The following FDX2 variants were observed in gnomAD, a reference collection of about 807,000 sequenced individuals.
FDX2 encodes ferredoxin-2, mitochondrial.
In FDX2, 13 loss-of-function variants were observed where a neutral mutation model predicts 18.5. The observed-to-expected ratio is 0.70, with a 90% confidence interval of 0.46 to 1.12. FDX2 has a LOEUF of 1.12. FDX2 is among the 50% of genes most tolerant of loss of function. The pLI is 0.00. For missense variants in FDX2, 238 were observed against 250.4 expected (o/e 0.95, Z 0.34); for synonymous variants, 132 against 106.2 (o/e 1.24, Z -1.49).
At position 10,315,954 on chromosome 19, in the gene FDX2, G is replaced by C. The variant is rs1047496497; in HGVS notation, c.52C>G (p.Leu18Val). 1.9e-6 allele frequency: 3 copies of C among 1,610,958 alleles called. No homozygotes were observed. The highest frequency in any genetic ancestry group is 8.5e-7 in the Non-Finnish European group (1 of 1,179,330). ...CAGGTGCCCCTGGCAGCCTGCAGTAGAACCCTGGCACTCACGCCTCCCCGG... is the reference window on the plus strand; with the variant it reads ...CAGGTGCCCCTGGCAGCCTGCAGTACAACCCTGGCACTCACGCCTCCCCGG... Residue 18 changes from leucine to valine, a missense_variant, in exon 1 of 5, where the codon CTA (leucine) becomes GTA (valine). By Grantham distance (32) the Leu-to-Val change is conservative. Coordinates refer to ENST00000393708, the MANE Select transcript of FDX2 (RefSeq NM_001031734.4).
In FDX2 at chr19:10,310,563, G is replaced by A; in HGVS notation, c.484C>T (p.Leu162=). The change falls in exon 5 of 5, where the codon CTG becomes TTG. Residue 162 remains leucine (L), a synonymous_variant. Coordinates refer to ENST00000393708, the MANE Select transcript of FDX2 (RefSeq NM_001031734.4). ...GGCAGGGTGAATTCCGCTCCTTCCA[G>A]CTCCGGTGTCAGCACAATCTGGCAG... The A allele has an allele frequency of 1.2e-6, 2 of 1,614,144 alleles. No homozygotes were observed. Among genetic ancestry groups the A allele is most frequent in the Non-Finnish European group, 1.7e-6 (2 of 1,180,024 alleles).
rs2040317496 is a variant in FDX2, at chr19:10,310,918, G to C, written c.339C>G (p.Ala113=). ...TCACATACACATGGCAGGTGGAGCA[G>C]GCCAGGGAGGCTTCACAGGCCCCTA... is the stretch of plus-strand genomic sequence containing the variant. Residue 113 remains alanine, a synonymous_variant, in exon 4 of 5, where the codon GCC becomes GCG. Coordinates refer to ENST00000393708, the MANE Select transcript of FDX2 (RefSeq NM_001031734.4). The C allele has an allele frequency of 1.9e-6, 3 of 1,613,028 alleles. No homozygotes were observed. The South Asian group carries it at 3.3e-5, about 18-fold the overall frequency.
rs765744386 is a variant in FDX2 at position 10,315,974 on chromosome 19, C to A, written c.32G>T (p.Gly11Val). 7 of 1,609,292 alleles carry A rather than the reference C, an allele frequency of 4.3e-6. No homozygotes were observed. The highest frequency in any genetic ancestry group is 1.7e-4 in the Middle Eastern group (1 of 6,040). The stretch of plus-strand genomic sequence containing the variant: ...CAGTAGAACCCTGGCACTCACGCCT[C>A]CCCGGGCCATGGAGGCGGCCATGAC... The change falls in exon 1 of 5, where the codon GGA (glycine) becomes GTA (valine). Residue 11 changes from glycine to valine, a missense_variant. Coordinates refer to ENST00000393708, the MANE Select transcript of FDX2 (RefSeq NM_001031734.4).
chr19:10,315,825 G>A (rs778252131), intron 1 of FDX2, 27 bp downstream of exon 1: 1 of 1,598,652 alleles, frequency 6.3e-7, no homozygotes, highest in African/African-American at 1.3e-5. Context: ...ACGGATTAAC[G>A]CTGCCCGCCC....
At position 10,315,969 on chromosome 19, in the gene FDX2, C is replaced by A. The variant is rs777077906; in HGVS notation, c.37G>T (p.Val13Leu). The stretch of plus-strand genomic sequence containing the variant: ...GCCTGCAGTAGAACCCTGGCACTCA[C>A]GCCTCCCCGGGCCATGGAGGCGGCC... Residue 13 changes from valine to leucine, a missense_variant, in exon 1 of 5, where the codon GTG becomes TTG. Coordinates refer to ENST00000393708, the MANE Select transcript of FDX2 (RefSeq NM_001031734.4). 1 of 1,609,952 alleles carries A rather than the reference C, an allele frequency of 6.2e-7. No homozygotes were observed. The highest frequency in any genetic ancestry group is 8.5e-7 in the Non-Finnish European group (1 of 1,178,990).
chr19:10,315,319 GT>G (rs56213243), intron 3 of FDX2, 66 bp downstream of exon 3: 9,323 of 597,890 alleles, frequency 0.016, no homozygotes, highest in East Asian at 0.064. Flanking sequence ...TAATTTGTGG[GT>G]TTTTTTTTTT....
rs2040376836 is a variant in FDX2 at position 10,315,753 on chromosome 19, C to A, written c.161G>T (p.Arg54Leu). ...GCCCGCGTCCTCCTCTCCAGCCGGG[C>A]GCGAGCCTGGAAAACACGGTTCGGT... The change falls in exon 2 of 5, where the codon CGC (arginine) becomes CTC (leucine). Residue 54 changes from arginine to leucine, a missense_variant. Arg to Leu is a moderately radical substitution (Grantham distance 102, BLOSUM62 -2). Transcript: ENST00000393708. The A allele has an allele frequency of 6.3e-7, 1 of 1,588,136 alleles. No homozygotes were observed. The highest frequency in any genetic ancestry group is 2.3e-5 in the East Asian group (1 of 43,110).
At chr19:10,310,786 G>T (rs2040315916) in intron 4 of FDX2, 67 bp downstream of exon 4, 1 of 1,548,694 alleles carries the variant, frequency 6.5e-7, no homozygotes, top group Non-Finnish European at 8.9e-7. Flanking sequence ...TGGAAGTGGG[G>T]AGGATGGTGG....
Position 10,315,697 on chromosome 19 carries a change from G to A in FDX2, c.209+8C>T, listed in dbSNP as rs769795704. On this transcript the variant is annotated splice_region_variant and intron_variant, in intron 2 of 4. Transcript: ENST00000393708. ...TGAGGAATGGGGGACTTGGCCCCCT[G>A]CACTCACACGTCCCCGGGCCGCTCC... is the stretch of plus-strand genomic sequence containing the variant. 1.3e-6 allele frequency: 2 copies of A among 1,548,666 alleles called. No homozygotes were observed. Among genetic ancestry groups the A allele is most frequent in the African/African-American group, 1.4e-5 (1 of 73,114 alleles).
At chr19:10,312,539 AT>A (rs996653014) in intron 3 of FDX2, among the ~76,000 whole-genome samples, 3 of 150,380 alleles carry the variant, frequency 2.0e-5, no homozygotes, top group African/African-American at 7.3e-5. Flanking sequence ...TTCCTTTGTA[AT>A]TTTTTTCTTA....
chr19:10,315,591 G>A (rs1199994289), intron 2 of FDX2, 99 bp from the exon 3 acceptor site: 6 of 1,518,580 alleles, frequency 4.0e-6, no homozygotes, highest in Admixed American at 3.9e-5. Flanking sequence ...TTGACGCACA[G>A]GTACTGAATA....
chr19:10,315,053 G>A (rs1410749629), intron 3 of FDX2, among the ~76,000 whole-genome samples: 3 of 151,936 alleles, frequency 2.0e-5, no homozygotes, highest in African/African-American at 7.3e-5. Context: ...GTGAGCTGAG[G>A]TGCAGTAAGC....
intron 3 of FDX2, among the ~76,000 whole-genome samples, chr19:10,311,401 GTTTTTT>G (rs71297586): frequency 7.1e-6 from 1 of 141,834 alleles, no homozygotes; most frequent in Non-Finnish European, 1.5e-5. Flanking sequence ...TTAGGATTTT[GTTTTTT>G]TTTTTTTTGA....
chr19:10,315,633 G>A, intron 2 of FDX2, 72 bp downstream of exon 2: 5 of 1,527,832 alleles, frequency 3.3e-6, no homozygotes, highest in Non-Finnish European at 4.4e-6. Context: ...TCGAGATGAA[G>A]CTACAGGGCA....
Position 10,315,727 on chromosome 19 carries a change from C to G in FDX2, c.187G>C (p.Gly63Arg). 6.4e-7 allele frequency: 1 copy of G among 1,558,126 alleles called. No homozygotes were observed. The highest frequency in any genetic ancestry group is 1.2e-5 in the South Asian group (1 of 85,082). The change falls in exon 2 of 5, where the codon GGC (glycine) becomes CGC (arginine). Residue 63 changes from glycine (G) to arginine (R), a missense_variant. Gly to Arg is a moderately radical substitution (Grantham distance 125). Transcript: ENST00000393708. ...CACACGTCCCCGGGCCGCTCCGGGC[C>G]GCCCGCGTCCTCCTCTCCAGCCGGG...
At chr19:10,313,724 G>T (rs1457495371) in intron 3 of FDX2, among the ~76,000 whole-genome samples, 1 of 108,886 alleles carries the variant, frequency 9.2e-6, no homozygotes, top group Admixed American at 1.3e-4. Context: ...TCACTCTGTC[G>T]CCCAGGCTGG....
chr19:10,315,308 C>A lies in FDX2; in HGVS notation c.316+78G>T. Reference sequence around the variant, plus strand: ...GGGAAAAAGACGTGAAGAGACACACCTAATTTGTGGGTTTTTTTTTTTTTT... The same window carrying A: ...GGGAAAAAGACGTGAAGAGACACACATAATTTGTGGGTTTTTTTTTTTTTT... On this transcript the variant is annotated intron_variant, in intron 3 of 4. Transcript: ENST00000393708. 2.3e-6 allele frequency: 2 copies of A among 877,490 alleles called. 1 individual carries two copies. The allele number at this position is 877,490 out of a possible 1,614,324, so 54.4% of individuals were successfully genotyped here. A position where few individuals can be genotyped will look rare whatever the true frequency, so the allele number is the denominator to read the frequency against.
Position 10,310,951 on chromosome 19 carries a change from G to A in FDX2, c.317-11C>T, listed in dbSNP as rs1287181605. 3.7e-6 allele frequency: 6 copies of A among 1,604,012 alleles called. No individual in the cohort carries two copies. In the South Asian group the frequency reaches 6.7e-5, roughly 18 times the overall value. ...AGGCTTCACAGGCCCCTAGGGGTGG[G>A]AAGTGAAGGGGGCGCAGGTGAGTGG... On this transcript the variant is annotated splice_polypyrimidine_tract_variant and intron_variant, in intron 3 of 4. Coordinates refer to ENST00000393708, the MANE Select transcript of FDX2 (RefSeq NM_001031734.4).
At position 10,315,731 on chromosome 19, in the gene FDX2, C is replaced by T. The variant is rs767407390; in HGVS notation, c.183G>A (p.Ala61=). ...CGTCCCCGGGCCGCTCCGGGCCGCC[C>T]GCGTCCTCCTCTCCAGCCGGGCGCG... The change falls in exon 2 of 5, where the codon GCG becomes GCA. Residue 61 remains alanine (A), a synonymous_variant. Transcript: ENST00000393708. 5 of 1,563,248 alleles carry T rather than the reference C, an allele frequency of 3.2e-6. No individual in the cohort carries two copies. Among genetic ancestry groups the T allele is most frequent in the East Asian group, 2.4e-5 (1 of 41,568 alleles).
Sources: allele counts gnomAD v4.1 joint callset (sites outside exome capture counted in the v4.1 genomes callset), GRCh38; gene constraint gnomAD v4.1.1; transcripts MANE v1.5; gene names NCBI Gene and HGNC (gene_info 2026-07-23, HGNC 2026-07-21).